FGF14: variants seen among roughly 807,000 people sequenced by gnomAD.
FGF14 encodes the protein fibroblast growth factor homologous factor 4.
A neutral mutation model predicts 25.5 loss-of-function variants in FGF14; 5 were observed. That is an observed-to-expected ratio of 0.20 (90% confidence interval 0.10 to 0.41). FGF14 has a LOEUF of 0.41. Among genes scored for constraint, FGF14 ranks in the 10% least tolerant of loss-of-function variants. The probability of loss-of-function intolerance (pLI) is 1.00; values close to 1 mark genes in which losing one functional copy is unlikely to be tolerated. For synonymous variants in FGF14, 138 were observed against 118.3 expected, an observed-to-expected ratio of 1.17 and a Z score of -1.08; for missense variants, 222 against 320.1, an observed-to-expected ratio of 0.69 and a Z score of 2.34.
intron 3 of FGF14, among the ~76,000 whole-genome samples, chr13:101,841,047 G>A (rs968847505): frequency 1.3e-5 from 2 of 151,866 alleles, no homozygotes. Context: ...ATGTTTTCCT[G>A]TAAGGAACCT....
chr13:101,870,813 C>T (rs981230458), intron 2 of FGF14, among the ~76,000 whole-genome samples: 4 of 151,912 alleles, frequency 2.6e-5, no homozygotes, highest in Admixed American at 1.3e-4. Flanking sequence ...ATTAGCCAGG[C>T]GTGGTGGGGC....
chr13:102,098,427 A>G (rs2044508131), intron 1 of FGF14, among the ~76,000 whole-genome samples: 3 of 152,086 alleles, frequency 2.0e-5, no homozygotes, highest in Admixed American at 1.3e-4. Context: ...CTTTTTTATT[A>G]TTCATATACT....
At chr13:102,378,249 C>T (rs2058086320) in intron 1 of FGF14, among the ~76,000 whole-genome samples, 1 of 151,874 alleles carries the variant, frequency 6.6e-6, no homozygotes, top group African/African-American at 2.4e-5. Context: ...ACAAATGCAC[C>T]ACTCCGGTGT....
intron 1 of FGF14, among the ~76,000 whole-genome samples, chr13:102,370,158 ATTTTTTAAAT>A (rs2057834879): frequency 6.6e-6 from 1 of 151,366 alleles, no homozygotes; most frequent in Admixed American, 6.6e-5. Context: ...TGCCCAGCTA[ATTTTTTAAAT>A]TTTTTGTAGA....
intron 1 of FGF14, among the ~76,000 whole-genome samples, chr13:102,282,498 C>A (rs899593202): frequency 6.6e-6 from 1 of 152,244 alleles, no homozygotes; most frequent in Non-Finnish European, 1.5e-5. Flanking sequence ...ATCTTTATCT[C>A]CATAATACTT....
chr13:102,042,635 A>T (rs57063617), intron 1 of FGF14, among the ~76,000 whole-genome samples: 7,065 of 151,788 alleles, frequency 0.047, 279 homozygotes, highest in African/African-American at 0.11. Flanking sequence ...ATGCCATGTA[A>T]GCACAAAGGT....
chr13:101,722,570 G>GA lies in FGF14; in HGVS notation c.*260dup. On this transcript the variant is annotated 3_prime_UTR_variant, in exon 5 of 5. Coordinates refer to ENST00000376143, the MANE Select transcript of FGF14 (RefSeq NM_004115.4). ...ATTCACATGAAGTGTCACAGTCACA[G>GA]AAAAGATATTAAAAAGGCATTCCAT... 2.0e-6 allele frequency: 1 copy of GA among 511,642 alleles called. No homozygotes were observed. The highest frequency in any genetic ancestry group is 3.6e-6 in the Non-Finnish European group (1 of 280,654). The allele number at this position is 511,642 out of a possible 1,614,324, so 31.7% of individuals were successfully genotyped here. A position where few individuals can be genotyped will look rare whatever the true frequency, so the allele number is the denominator to read the frequency against.
chr13:102,177,151 C>T (rs1378950191), intron 1 of FGF14, among the ~76,000 whole-genome samples: 1 of 152,130 alleles, frequency 6.6e-6, no homozygotes, highest in African/African-American at 2.4e-5. Context: ...CAGCCTGATC[C>T]CATGTGAAAT....
chr13:101,906,205 G>A (rs989214502), intron 1 of FGF14, among the ~76,000 whole-genome samples: 2 of 152,096 alleles, frequency 1.3e-5, no homozygotes, highest in African/African-American at 4.8e-5. Context: ...GCCTCAGCAT[G>A]AAATTCTCTT....
intron 3 of FGF14, among the ~76,000 whole-genome samples, chr13:101,850,606 TATAGC>T (rs2043790389): frequency 7.3e-6 from 1 of 137,074 alleles, no homozygotes; most frequent in Admixed American, 7.6e-5. Flanking sequence ...TAATTCTATA[TATAGC>T]ATATATATTC....
At chr13:101,874,707 T>C (rs948699762) in intron 2 of FGF14, among the ~76,000 whole-genome samples, 3 of 151,838 alleles carry the variant, frequency 2.0e-5, no homozygotes, top group Non-Finnish European at 2.9e-5. Flanking sequence ...TATAAGAAAG[T>C]TTTTTTTGTT....
At chr13:101,813,013 T>A (rs529002439) in intron 3 of FGF14, among the ~76,000 whole-genome samples, 1 of 152,128 alleles carries the variant, frequency 6.6e-6, no homozygotes, top group African/African-American at 2.4e-5. Context: ...TCCTATACTT[T>A]TGTGCATTTC....
chr13:101,862,941 T>C (rs1248843208), intron 3 of FGF14, among the ~76,000 whole-genome samples: 1 of 152,120 alleles, frequency 6.6e-6, no homozygotes, highest in African/African-American at 2.4e-5. Flanking sequence ...TAACATTTTA[T>C]TAATATAAAC....
intron 2 of FGF14, among the ~76,000 whole-genome samples, chr13:101,869,951 G>C (rs910960788): frequency 6.6e-6 from 1 of 152,234 alleles, no homozygotes; most frequent in Admixed American, 6.5e-5. Flanking sequence ...CCTCTCTTCT[G>C]ATTATTACAA....
chr13:102,166,588 G>A (rs952006877), intron 1 of FGF14, among the ~76,000 whole-genome samples: 5 of 152,014 alleles, frequency 3.3e-5, no homozygotes, highest in Non-Finnish European at 5.9e-5. Flanking sequence ...TGTTTAAAAC[G>A]GCCTCCAAGC....
At chr13:101,770,943 TAAAC>T (rs146568805) in intron 3 of FGF14, among the ~76,000 whole-genome samples, 1,735 of 152,150 alleles carry the variant, frequency 0.011, 24 homozygotes, top group African/African-American at 0.038. Context: ...AAAACTATAT[TAAAC>T]AAACAAAACA....
At chr13:101,785,771 G>A (rs2039786562) in intron 3 of FGF14, among the ~76,000 whole-genome samples, 1 of 152,052 alleles carries the variant, frequency 6.6e-6, no homozygotes. Flanking sequence ...TTTTCTACGG[G>A]ATAGAGAGAA....
chr13:102,293,211 C>T (rs1228280255), intron 1 of FGF14: 1 of 152,210 alleles, frequency 6.6e-6, no homozygotes, highest in Non-Finnish European at 1.5e-5. Context: ...GCCATGAAGG[C>T]TCTCTCTTCC....
intron 3 of FGF14, among the ~76,000 whole-genome samples, chr13:101,839,333 A>C (rs535250399): frequency 4.6e-5 from 7 of 152,028 alleles, no homozygotes; most frequent in Non-Finnish European, 8.8e-5. Context: ...TCCTGAGAAA[A>C]GTCTTGGATT....
Sources: gnomAD v4.1 joint callset for allele counts (sites outside exome capture counted in the v4.1 genomes callset) on GRCh38, gnomAD v4.1.1 for gene constraint, MANE v1.5 for transcripts, NCBI Gene and HGNC (gene_info 2026-07-23, HGNC 2026-07-21) for gene names.